LAMA2: variants seen among roughly 807,000 people sequenced by gnomAD.
LAMA2 encodes the protein laminin subunit alpha 2.
Under a neutral mutation model 364.8 loss-of-function variants are expected in LAMA2, and 269 were observed. The ratio of observed to expected loss-of-function variants is 0.74; its 90% confidence interval spans 0.67 to 0.82. The LOEUF (loss-of-function observed/expected upper bound fraction) is 0.82, where lower values mean the gene tolerates loss of function less well. Among genes scored for constraint, LAMA2 ranks in the 40% least tolerant of loss-of-function variants. The pLI is 0.00. For synonymous variants in LAMA2, 1,379 were observed against 1,370.6 expected, an observed-to-expected ratio of 1.01 and a Z score of -0.14; for missense variants, 3,807 against 3,873.2, an observed-to-expected ratio of 0.98 and a Z score of 0.45.
In LAMA2 at chr6:129,100,391, C is replaced by A. The variant is rs375450184; in HGVS notation, c.639+1976C>A. 2.0e-3 allele frequency among the ~76,000 whole-genome samples: 297 copies of A among 152,196 alleles called. 1 individual carries two copies. Among genetic ancestry groups the A allele is most frequent in the African/African-American group, 6.9e-3 (285 of 41,526 alleles). On this transcript the variant is annotated intron_variant, in intron 4 of 64. Coordinates refer to ENST00000421865, the MANE Select transcript of LAMA2 (RefSeq NM_000426.4). Reference sequence around the variant, plus strand: ...ATGGGGAAGTGAATGAAATAAGGAACAGAAAGTAATTCAAAATATTTGCCA... The same window carrying A: ...ATGGGGAAGTGAATGAAATAAGGAAAAGAAAGTAATTCAAAATATTTGCCA...
At chr6:129,229,928 C>T (rs1014397236) in intron 12 of LAMA2, among the ~76,000 whole-genome samples, 3 of 152,022 alleles carry the variant, frequency 2.0e-5, no homozygotes, top group Non-Finnish European at 2.9e-5. Context: ...TATTATATAT[C>T]GAGGTGTAAA....
intron 15 of LAMA2, among the ~76,000 whole-genome samples, chr6:129,266,873 A>T (rs909993818): frequency 6.6e-6 from 1 of 152,096 alleles, no homozygotes; most frequent in African/African-American, 2.4e-5. Flanking sequence ...AGAAACACCA[A>T]GCTAATGCTT....
At chr6:129,060,270 A>C (rs761548240) in intron 3 of LAMA2, among the ~76,000 whole-genome samples, 1 of 152,222 alleles carries the variant, frequency 6.6e-6, no homozygotes, top group Non-Finnish European at 1.5e-5. Context: ...TGGTGTGTGC[A>C]CTTAAAGGTT....
rs116963822 is a variant in LAMA2, at chr6:128,977,377, C to T, written c.113-72541C>T. Among the ~76,000 whole-genome samples the T allele has an allele frequency of 2.7e-3, 406 of 151,446 alleles. 2 individuals carry two copies. Among genetic ancestry groups the T allele is most frequent in the Non-Finnish European group, 4.7e-3 (319 of 67,826 alleles). On this transcript the variant is annotated intron_variant, in intron 1 of 64. Transcript: ENST00000421865. ...TGGGCTCAAGCAATCCTTCCACCTCCGCACCCCCAAGCAGCTGGGACTACA... is the reference window on the plus strand; with the variant it reads ...TGGGCTCAAGCAATCCTTCCACCTCTGCACCCCCAAGCAGCTGGGACTACA...
At chr6:128,898,191 C>G (rs941929991) in intron 1 of LAMA2, among the ~76,000 whole-genome samples, 2 of 152,150 alleles carry the variant, frequency 1.3e-5, no homozygotes, top group African/African-American at 4.8e-5. Context: ...AGAAACTGGG[C>G]TTGTTGGCCA....
chr6:129,242,570 A>G (rs1049450848), intron 12 of LAMA2, among the ~76,000 whole-genome samples: 11 of 152,108 alleles, frequency 7.2e-5, no homozygotes, highest in African/African-American at 1.7e-4. Context: ...ACTATAACTT[A>G]TGGTTTATTT....
intron 1 of LAMA2, among the ~76,000 whole-genome samples, chr6:128,895,354 G>A (rs1776702713): frequency 6.6e-6 from 1 of 151,620 alleles, no homozygotes; most frequent in South Asian, 2.1e-4. Flanking sequence ...AACTCATGGC[G>A]GGGCGCGGTG....
At chr6:129,404,015 C>CA (rs2114698091) in intron 40 of LAMA2, 56 bp downstream of exon 40, 1 of 1,589,998 alleles carries the variant, frequency 6.3e-7, no homozygotes, top group African/African-American at 1.3e-5. Flanking sequence ...TTGAATTTTT[C>CA]AAATGTAAGT....
chr6:129,174,846 C>T (rs1780467683), intron 9 of LAMA2, among the ~76,000 whole-genome samples: 1 of 151,642 alleles, frequency 6.6e-6, no homozygotes, highest in African/African-American at 2.4e-5. Context: ...TACCTACCTA[C>T]CTACCTATCT....
intron 29 of LAMA2, among the ~76,000 whole-genome samples, chr6:129,333,582 ATAACT>A (rs1404965455): frequency 3.9e-5 from 6 of 152,168 alleles, no homozygotes; most frequent in South Asian, 2.1e-4. Context: ...GACTAAATAA[ATAACT>A]TAATATTAGC....
At chr6:129,494,310 A>G (rs557333348) in intron 58 of LAMA2, among the ~76,000 whole-genome samples, 2 of 152,380 alleles carry the variant, frequency 1.3e-5, no homozygotes, top group South Asian at 2.1e-4. Flanking sequence ...TAGTTATTCA[A>G]TGAGAGGCCA....
At chr6:128,955,093 A>G (rs1282729536) in intron 1 of LAMA2, among the ~76,000 whole-genome samples, 1 of 151,878 alleles carries the variant, frequency 6.6e-6, no homozygotes, top group African/African-American at 2.4e-5. Context: ...TACTATCTCT[A>G]TAAAGAGGAA....
intron 12 of LAMA2, among the ~76,000 whole-genome samples, chr6:129,247,286 C>G (rs531873010): frequency 1.3e-4 from 19 of 151,894 alleles, no homozygotes; most frequent in Non-Finnish European, 2.1e-4. Context: ...CCCATCTCTA[C>G]AAAAAATACA....
chr6:129,499,204 C>G (rs188372675), intron 58 of LAMA2, among the ~76,000 whole-genome samples: 1 of 152,134 alleles, frequency 6.6e-6, no homozygotes, highest in South Asian at 2.1e-4. Flanking sequence ...TTTAAAAAGT[C>G]CCCACAAGGT....
chr6:129,076,649 T>A (rs1773676133), intron 3 of LAMA2, among the ~76,000 whole-genome samples: 1 of 151,324 alleles, frequency 6.6e-6, no homozygotes, highest in African/African-American at 2.4e-5. Flanking sequence ...GACTATGTAA[T>A]TTTTCAATTA....
intron 41 of LAMA2, among the ~76,000 whole-genome samples, chr6:129,430,127 T>C (rs1274362483): frequency 1.3e-5 from 2 of 152,178 alleles, no homozygotes; most frequent in Non-Finnish European, 2.9e-5. Flanking sequence ...TGTGGCCAAT[T>C]ACGGAGGTTA....
In LAMA2 at chr6:129,292,075, G is replaced by A. The variant is rs368364361; in HGVS notation, c.2856+355G>A. On this transcript the variant is annotated intron_variant, in intron 20 of 64. Coordinates refer to ENST00000421865, the MANE Select transcript of LAMA2 (RefSeq NM_000426.4). ...AAATGTTACTCTTGGGGCTGGGCGC[G>A]GTGGCTCATGCCTGTAATCCCAGCA... Among the ~76,000 whole-genome samples the A allele has an allele frequency of 7.9e-5, 12 of 152,270 alleles. No individual in the cohort carries two copies. The South Asian group carries it at 1.0e-3, about 13-fold the overall frequency.
chr6:129,128,707 C>G (rs549581327), intron 4 of LAMA2, among the ~76,000 whole-genome samples: 2 of 152,126 alleles, frequency 1.3e-5, no homozygotes, highest in Admixed American at 6.5e-5. Context: ...GTATGCAGAT[C>G]TTTTCAACTC....
intron 12 of LAMA2, among the ~76,000 whole-genome samples, chr6:129,230,150 C>T (rs929512136): frequency 1.1e-4 from 17 of 151,914 alleles, no homozygotes; most frequent in East Asian, 5.8e-4. Flanking sequence ...AAACTGAGGA[C>T]GAACTAGAAA....
Sources: allele counts gnomAD v4.1 joint callset (sites outside exome capture counted in the v4.1 genomes callset), GRCh38; gene constraint gnomAD v4.1.1; transcripts MANE v1.5; gene names NCBI Gene and HGNC (gene_info 2026-07-23, HGNC 2026-07-21).